CALN1: variants seen among roughly 807,000 people sequenced by gnomAD.
The protein encoded by CALN1 is calneuron 1, also known as calcium-binding protein 8.
Under a neutral mutation model 30.6 loss-of-function variants are expected in CALN1, and 17 were observed. The observed-to-expected ratio is 0.56, with a 90% CI of 0.38 to 0.83. The LOEUF (loss-of-function observed/expected upper bound fraction) is 0.83, where lower values mean the gene tolerates loss of function less well. Ranked by LOEUF, CALN1 falls within the 40% of genes least tolerant of loss-of-function variation. CALN1 has a pLI of 0.00. For synonymous variants in CALN1, 156 were observed against 131.4 expected (o/e 1.19, Z -1.28); for missense variants, 291 against 354.9 (o/e 0.82, Z 1.45).
the CALN1 span, among the ~76,000 whole-genome samples, chr7:72,478,024 C>T: frequency 6.6e-6 from 1 of 152,112 alleles, no homozygotes; most frequent in Non-Finnish European, 1.5e-5. Flanking sequence ...ATCTTCATGT[C>T]TTCAGAGCCT....
intron 5 of CALN1, among the ~76,000 whole-genome samples, chr7:71,943,529 C>T (rs1468834293): frequency 6.6e-6 from 1 of 151,856 alleles, no homozygotes; most frequent in African/African-American, 2.4e-5. Context: ...CAACCTCTGC[C>T]TCTGGGGTTC....
intron 2 of CALN1, among the ~76,000 whole-genome samples, chr7:72,321,403 C>T (rs932488427): frequency 6.6e-6 from 1 of 152,196 alleles, no homozygotes; most frequent in Non-Finnish European, 1.5e-5. Context: ...CAATTATGAA[C>T]TATTCTTACA....
At chr7:72,503,673 G>A in the CALN1 span, among the ~76,000 whole-genome samples, 4 of 151,904 alleles carry the variant, frequency 2.6e-5, no homozygotes. Flanking sequence ...GCCAGTACCA[G>A]TAACCTTCTC....
chr7:72,172,923 T>C (rs1425824007), intron 3 of CALN1, among the ~76,000 whole-genome samples: 1 of 152,116 alleles, frequency 6.6e-6, no homozygotes, highest in Non-Finnish European at 1.5e-5. Context: ...ACCACTTCTA[T>C]TTACCACTGT....
intron 3 of CALN1, among the ~76,000 whole-genome samples, chr7:72,133,536 T>G (rs371545643): frequency 1.2e-4 from 19 of 152,348 alleles, no homozygotes; most frequent in East Asian, 1.2e-3. Flanking sequence ...TAGTAATAAC[T>G]GATTCAGGCA....
chr7:72,355,853 G>T (rs1268150846), intron 2 of CALN1, among the ~76,000 whole-genome samples: 1 of 152,016 alleles, frequency 6.6e-6, no homozygotes, highest in Admixed American at 6.5e-5. Context: ...TTATGGTGAT[G>T]GTTACAAAGG....
At chr7:71,935,740 A>C (rs1006824703) in intron 5 of CALN1, among the ~76,000 whole-genome samples, 1 of 152,158 alleles carries the variant, frequency 6.6e-6, no homozygotes, top group Non-Finnish European at 1.5e-5. Flanking sequence ...GAAACAAAAA[A>C]CAAAAAACAT....
intron 5 of CALN1, among the ~76,000 whole-genome samples, chr7:71,864,668 A>G (rs535840615): frequency 1.3e-5 from 2 of 152,168 alleles, no homozygotes; most frequent in Non-Finnish European, 2.9e-5. Context: ...AGTTGTTTTA[A>G]ATCACTAAGT....
intron 5 of CALN1, among the ~76,000 whole-genome samples, chr7:71,961,328 A>G (rs1209825915): frequency 2.6e-5 from 4 of 152,214 alleles, no homozygotes; most frequent in Non-Finnish European, 5.9e-5. Context: ...CTAAAGACAG[A>G]TATTTACATC....
chr7:72,066,985 T>C (rs1177335707), intron 4 of CALN1, among the ~76,000 whole-genome samples: 1 of 151,766 alleles, frequency 6.6e-6, no homozygotes, highest in African/African-American at 2.4e-5. Flanking sequence ...GATGGGGTTT[T>C]ACCATGTTGC....
intron 5 of CALN1, among the ~76,000 whole-genome samples, chr7:71,926,302 C>T (rs1795268691): frequency 6.6e-6 from 1 of 152,148 alleles, no homozygotes; most frequent in Non-Finnish European, 1.5e-5. Context: ...CATCCAGATT[C>T]CCACTGCATA....
chr7:71,995,614 G>T (rs1349145165), intron 5 of CALN1, among the ~76,000 whole-genome samples: 2 of 152,102 alleles, frequency 1.3e-5, no homozygotes, highest in Admixed American at 6.5e-5. Flanking sequence ...TTTGAGAGCA[G>T]CCCCAGACAA....
intron 3 of CALN1, among the ~76,000 whole-genome samples, chr7:72,186,478 C>A (rs146404750): frequency 6.6e-6 from 1 of 152,072 alleles, no homozygotes; most frequent in Non-Finnish European, 1.5e-5. Context: ...TGTTACCTGA[C>A]GACATCGCAT....
intron 1 of CALN1, among the ~76,000 whole-genome samples, chr7:72,442,964 A>G (rs191483384): frequency 1.2e-3 from 185 of 151,804 alleles, no homozygotes; most frequent in African/African-American, 4.2e-3. Context: ...TAAGGGTTGC[A>G]CTTATTTAGG....
intron 3 of CALN1, among the ~76,000 whole-genome samples, chr7:72,250,887 C>T (rs998776677): frequency 2.0e-5 from 3 of 152,020 alleles, no homozygotes; most frequent in Non-Finnish European, 4.4e-5. Flanking sequence ...CTCAGGTATC[C>T]CTATATAGCA....
chr7:72,245,856 C>T (rs1471888046), intron 3 of CALN1, among the ~76,000 whole-genome samples: 1 of 152,152 alleles, frequency 6.6e-6, no homozygotes, highest in African/African-American at 2.4e-5. Flanking sequence ...TGTTCTGGTG[C>T]CACCATTTCT....
chr7:72,457,871 T>G, the CALN1 span, among the ~76,000 whole-genome samples: 1 of 150,538 alleles, frequency 6.6e-6, no homozygotes, highest in African/African-American at 2.4e-5. Flanking sequence ...TCCTCCCACC[T>G]CAGCCTCCTG....
intron 4 of CALN1, among the ~76,000 whole-genome samples, chr7:72,030,315 A>C (rs937133345): frequency 6.6e-6 from 1 of 152,174 alleles, no homozygotes; most frequent in African/African-American, 2.4e-5. Context: ...CTGTCTCCCG[A>C]TATTTCTCAG....
chr7:72,140,337 AG>A (rs1455249282), intron 3 of CALN1, among the ~76,000 whole-genome samples: 1 of 66,590 alleles, frequency 1.5e-5, no homozygotes, highest in Non-Finnish European at 2.6e-5. Context: ...GGGAGAAGGA[AG>A]GAAGGGAGGG....
Sources: gnomAD v4.1 joint callset for allele counts (sites outside exome capture counted in the v4.1 genomes callset) on GRCh38, gnomAD v4.1.1 for gene constraint, MANE v1.5 for transcripts, NCBI Gene and HGNC (gene_info 2026-07-23, HGNC 2026-07-21) for gene names.